ARHGAP6: variants seen among roughly 807,000 people sequenced by gnomAD.
ARHGAP6 encodes the protein Rho GTPase activating protein 6, also known as rho GTPase-activating protein 6.
Under a neutral mutation model 55.7 loss-of-function variants are expected in ARHGAP6, and 16 were observed. The ratio of observed to expected loss-of-function variants is 0.29; its 90% CI spans 0.19 to 0.44. The LOEUF (loss-of-function observed/expected upper bound fraction) is 0.44, where lower values mean the gene tolerates loss of function less well. Ranked by LOEUF, ARHGAP6 falls within the 20% of genes least tolerant of loss-of-function variation. ARHGAP6 has a pLI of 1.00. For missense variants in ARHGAP6, 698 were observed against 808.9 expected, an observed-to-expected ratio of 0.86 and a Z score of 1.66; for synonymous variants, 382 against 360.9, an observed-to-expected ratio of 1.06 and a Z score of -0.66.
chrX:11,608,653 T>C (rs1406457523), intron 1 of ARHGAP6, among the ~76,000 whole-genome samples: 1 of 111,692 alleles, frequency 9.0e-6, no homozygotes, highest in African/African-American at 3.3e-5. Context: ...TTCCCACGTG[T>C]TGTGGGAGGG....
intron 1 of ARHGAP6, among the ~76,000 whole-genome samples, chrX:11,579,778 C>T (rs1227205819): frequency 1.8e-5 from 2 of 111,745 alleles, no homozygotes; most frequent in African/African-American, 3.3e-5. Context: ...TTTCAAATTC[C>T]GAAGGAGATG....
intron 1 of ARHGAP6, among the ~76,000 whole-genome samples, chrX:11,344,700 A>AAAG (rs2048754927): frequency 9.7e-6 from 1 of 103,497 alleles, no homozygotes; most frequent in African/African-American, 3.6e-5. Flanking sequence ...AAAAAAAAAA[A>AAAG]AAAAGAAAAG....
At chrX:11,659,495 T>C in intron 1 of ARHGAP6, among the ~76,000 whole-genome samples, 1 of 111,505 alleles carries the variant, frequency 9.0e-6, no homozygotes. Context: ...GGAACTCCCC[T>C]GTGGTAGACA....
At chrX:11,304,655 T>C in intron 1 of ARHGAP6, among the ~76,000 whole-genome samples, 1 of 109,912 alleles carries the variant, frequency 9.1e-6, no homozygotes, top group East Asian at 2.8e-4. Flanking sequence ...TCCTTTTACC[T>C]TCTTTCTAGG....
chrX:11,208,611 G>T (rs1014039627), intron 2 of ARHGAP6, among the ~76,000 whole-genome samples: 12 of 112,066 alleles, frequency 1.1e-4, no homozygotes, highest in African/African-American at 3.9e-4. Flanking sequence ...GGAATATCCT[G>T]CCTGATAATA....
chrX:11,586,042 T>A (rs1387647314), intron 1 of ARHGAP6, among the ~76,000 whole-genome samples: 3 of 111,392 alleles, frequency 2.7e-5, no homozygotes. Flanking sequence ...TCCAATCACC[T>A]CCCACCAGGC....
chrX:11,262,046 TTTG>T (rs1292340081), intron 1 of ARHGAP6, among the ~76,000 whole-genome samples: 2 of 112,147 alleles, frequency 1.8e-5, no homozygotes, highest in Non-Finnish European at 3.8e-5. Context: ...ATTTATATAT[TTTG>T]TTTATCATAA....
chrX:11,252,326 A>G (rs1352383148), intron 2 of ARHGAP6, among the ~76,000 whole-genome samples: 1 of 112,311 alleles, frequency 8.9e-6, no homozygotes, highest in Non-Finnish European at 1.9e-5. Flanking sequence ...TGCTAACAAT[A>G]TTGCCATTTT....
chrX:11,487,415 A>T (rs909515059), intron 1 of ARHGAP6, among the ~76,000 whole-genome samples: 14 of 112,009 alleles, frequency 1.2e-4, no homozygotes, highest in South Asian at 3.7e-4. Flanking sequence ...TCAAGGAAGT[A>T]TTCAAAGAAT....
chrX:11,382,921 T>C (rs2049279436), intron 1 of ARHGAP6, among the ~76,000 whole-genome samples: 1 of 112,547 alleles, frequency 8.9e-6, no homozygotes, highest in South Asian at 3.6e-4. Flanking sequence ...GTTAGAAATT[T>C]ACCTCAATGG....
intron 1 of ARHGAP6, among the ~76,000 whole-genome samples, chrX:11,343,953 C>T (rs1388626389): frequency 8.9e-6 from 1 of 111,930 alleles, no homozygotes; most frequent in Non-Finnish European, 1.9e-5. Flanking sequence ...CACAAGATCA[C>T]TTGGTTCCTG....
rs544958154 is a variant in ARHGAP6, at chrX:11,313,697, G to T, written c.589-58990C>A. Among the ~76,000 whole-genome samples, 336 of 112,134 alleles carry T rather than the reference G, an allele frequency of 3.0e-3. 2 individuals carry two copies. Among genetic ancestry groups the T allele is most frequent in the Non-Finnish European group, 5.7e-3 (301 of 53,213 alleles). On this transcript the variant is annotated intron_variant, in intron 1 of 12. Coordinates refer to ENST00000337414, the MANE Select transcript of ARHGAP6 (RefSeq NM_013427.3). The stretch of plus-strand genomic sequence containing the variant: ...GTCTATTGGCTGTCTCTCTTACTGG[G>T]CTGGAGGCTTCACAATTAGAAAGAT...
At chrX:11,602,764 C>T (rs186017297) in intron 1 of ARHGAP6, among the ~76,000 whole-genome samples, 43 of 112,494 alleles carry the variant, frequency 3.8e-4, no homozygotes, top group Middle Eastern at 4.6e-3. Context: ...CAGACCCACG[C>T]TGGAGCTCTT....
At chrX:11,199,059 G>A (rs908301516) in intron 2 of ARHGAP6, among the ~76,000 whole-genome samples, 3 of 112,081 alleles carry the variant, frequency 2.7e-5, no homozygotes, top group Admixed American at 1.9e-4. Context: ...TTCTTGCCTT[G>A]TTTATTTTGT....
At chrX:11,427,749 C>A (rs1024259481) in intron 1 of ARHGAP6, 14 of 762,392 alleles carry the variant, frequency 1.8e-5, no homozygotes, top group African/African-American at 2.3e-5. Context: ...CCTGGCACAG[C>A]GTCCCGCTGC....
chrX:11,402,485 C>G (rs769294341), intron 1 of ARHGAP6, among the ~76,000 whole-genome samples: 94 of 110,667 alleles, frequency 8.5e-4, no homozygotes, highest in Non-Finnish European at 1.5e-3. Context: ...CTTTATTGTA[C>G]AGGGGTCACC....
chrX:11,222,046 T>A (rs1045655845), intron 2 of ARHGAP6, among the ~76,000 whole-genome samples: 1 of 111,823 alleles, frequency 8.9e-6, no homozygotes, highest in Non-Finnish European at 1.9e-5. Context: ...AAAAATTGAA[T>A]TCTCTAAAAT....
At chrX:11,462,546 G>A (rs2050255093) in intron 1 of ARHGAP6, among the ~76,000 whole-genome samples, 1 of 112,342 alleles carries the variant, frequency 8.9e-6, no homozygotes. Flanking sequence ...CGATTTTGTA[G>A]TTTAATGACT....
At chrX:11,454,110 A>ATTTTTTTTTTTTT (rs1187605203) in intron 1 of ARHGAP6, among the ~76,000 whole-genome samples, 36 of 76,816 alleles carry the variant, frequency 4.7e-4, no homozygotes, top group Non-Finnish European at 5.6e-4. Context: ...CGCACGGCTA[A>ATTTTTTTTTTTTT]TTTTTTTTTT....
Sources: gnomAD v4.1 joint callset for allele counts (sites outside exome capture counted in the v4.1 genomes callset) on GRCh38, gnomAD v4.1.1 for gene constraint, MANE v1.5 for transcripts, NCBI Gene and HGNC (gene_info 2026-07-23, HGNC 2026-07-21) for gene names.